The following PTPRE variants were observed in gnomAD, a reference collection of about 807,000 sequenced individuals.
The protein encoded by PTPRE is receptor-type tyrosine-protein phosphatase epsilon.
In PTPRE, 51 loss-of-function variants were observed where a neutral mutation model predicts 102.0. The ratio of observed to expected loss-of-function variants is 0.50; its 90% CI spans 0.40 to 0.63. PTPRE has a LOEUF of 0.63. Among genes scored for constraint, PTPRE ranks in the 30% least tolerant of loss-of-function variants. The probability of loss-of-function intolerance (pLI) is 0.00; values close to 1 mark genes in which losing one functional copy is unlikely to be tolerated. For synonymous variants in PTPRE, 345 were observed against 348.2 expected (o/e 0.99, Z 0.10); for missense variants, 752 against 915.1 (o/e 0.82, Z 2.30).
chr10:128,015,609 A>C (rs975381007), intron 2 of PTPRE, among the ~76,000 whole-genome samples: 1 of 151,828 alleles, frequency 6.6e-6, no homozygotes, highest in Non-Finnish European at 1.5e-5. Context: ...TTCGTGATCC[A>C]CCCGCCTCAG....
chr10:127,977,137 A>G (rs940906694), intron 1 of PTPRE, among the ~76,000 whole-genome samples: 4 of 152,170 alleles, frequency 2.6e-5, no homozygotes, highest in Admixed American at 2.0e-4. Context: ...TTGCTACCCC[A>G]GTGCCCTAAT....
intron 1 of PTPRE, among the ~76,000 whole-genome samples, chr10:127,940,582 T>C (rs1848176840): frequency 6.6e-6 from 1 of 152,190 alleles, no homozygotes; most frequent in African/African-American, 2.4e-5. Context: ...GCTGCACCTC[T>C]GCTGCTGGGC....
At chr10:128,077,841 T>A in intron 19 of PTPRE, 58 bp downstream of exon 19, 1 of 1,528,036 alleles carries the variant, frequency 6.5e-7, no homozygotes, top group Non-Finnish European at 8.9e-7. Flanking sequence ...ACCCCCCCAG[T>A]ACCCGCAGCT....
At chr10:128,036,204 G>C (rs12571952) in intron 2 of PTPRE, among the ~76,000 whole-genome samples, 7 of 151,176 alleles carry the variant, frequency 4.6e-5, no homozygotes, top group African/African-American at 7.3e-5. Context: ...TCCCTTCCTC[G>C]GGCCCTAGTG....
At chr10:128,026,878 A>G (rs1262550706) in intron 2 of PTPRE, among the ~76,000 whole-genome samples, 2 of 152,244 alleles carry the variant, frequency 1.3e-5, no homozygotes, top group African/African-American at 2.4e-5. Flanking sequence ...TCTTTCATCC[A>G]TGTAAGTATA....
intron 20 of PTPRE, 64 bp downstream of exon 20, chr10:128,079,759 A>T: frequency 6.5e-7 from 1 of 1,549,476 alleles, no homozygotes; most frequent in South Asian, 1.2e-5. Flanking sequence ...TATTTGATGT[A>T]TGTTTCATTA....
intron 1 of PTPRE, among the ~76,000 whole-genome samples, chr10:127,914,357 C>A (rs1846063663): frequency 6.6e-6 from 1 of 152,204 alleles, no homozygotes; most frequent in African/African-American, 2.4e-5. Context: ...ACACACACAG[C>A]ACAGGTGGAA....
At position 128,011,560 on chromosome 10, in the gene PTPRE, A is replaced by C. The variant is rs569462848; in HGVS notation, c.-8+29264A>C. 9.6e-4 allele frequency among the ~76,000 whole-genome samples: 147 copies of C among 152,352 alleles called. 1 individual carries two copies. The highest frequency in any genetic ancestry group is 3.2e-3 in the African/African-American group (135 of 41,590). On this transcript the variant is annotated intron_variant, in intron 2 of 20. Transcript: ENST00000254667. ...AGCACCCGGGCTTCAAGCTTGGCGC[A>C]TGCGCGGAAGCGTCCCCGTAGCCCG...
At chr10:127,956,305 T>C (rs1400419987) in intron 1 of PTPRE, among the ~76,000 whole-genome samples, 1 of 152,142 alleles carries the variant, frequency 6.6e-6, no homozygotes, top group Admixed American at 6.5e-5. Flanking sequence ...TGAGTCCAAG[T>C]GGACTAGATG....
intron 11 of PTPRE, among the ~76,000 whole-genome samples, chr10:128,067,027 C>T (rs940153701): frequency 7.3e-5 from 11 of 151,280 alleles, no homozygotes; most frequent in Non-Finnish European, 1.0e-4. Flanking sequence ...CACAGGCACG[C>T]ACATGCACAT....
chr10:127,951,408 A>G (rs1310864966), intron 1 of PTPRE, among the ~76,000 whole-genome samples: 1 of 152,240 alleles, frequency 6.6e-6, no homozygotes, highest in African/African-American at 2.4e-5. Context: ...AGAGGGAAAT[A>G]AACAGACAAT....
chr10:128,060,343 T>C (rs906892438), intron 7 of PTPRE, among the ~76,000 whole-genome samples: 4 of 152,118 alleles, frequency 2.6e-5, no homozygotes, highest in Non-Finnish European at 5.9e-5. Context: ...GGAAAACTGC[T>C]TGTGCAACAG....
At chr10:128,077,492 G>A in intron 18 of PTPRE, 125 bp from the exon 19 acceptor site, 4 of 1,228,608 alleles carry the variant, frequency 3.3e-6, no homozygotes, top group Non-Finnish European at 4.4e-6. Flanking sequence ...CCTCGGTGGG[G>A]ATGTTGGCAG....
At chr10:128,033,590 C>A (rs560608552) in intron 2 of PTPRE, among the ~76,000 whole-genome samples, 95 of 152,276 alleles carry the variant, frequency 6.2e-4, no homozygotes, top group African/African-American at 2.2e-3. Context: ...TAAAGCTCGG[C>A]ATTTGTAGTA....
intron 2 of PTPRE, among the ~76,000 whole-genome samples, chr10:128,022,775 GA>G (rs1392822418): frequency 6.6e-6 from 1 of 152,246 alleles, no homozygotes; most frequent in Non-Finnish European, 1.5e-5. Flanking sequence ...AGGGGCCTGG[GA>G]GGGGCGCTGG....
At chr10:127,947,468 G>T (rs11596732) in intron 1 of PTPRE, among the ~76,000 whole-genome samples, 11,372 of 152,254 alleles carry the variant, frequency 0.075, 625 homozygotes, top group Non-Finnish European at 0.11. Context: ...TTGCTCTGAA[G>T]AATTCAGGTT....
chr10:127,987,284 C>G (rs1196314895), intron 2 of PTPRE: 2 of 1,226,770 alleles, frequency 1.6e-6, no homozygotes, highest in Non-Finnish European at 2.1e-6. Context: ...GTGTTCACAG[C>G]AGACCCAGTT....
intron 1 of PTPRE, among the ~76,000 whole-genome samples, chr10:127,981,066 A>G (rs1039227238): frequency 1.3e-5 from 2 of 152,226 alleles, no homozygotes; most frequent in African/African-American, 2.4e-5. Context: ...AAATTCATCC[A>G]CTGAAGAATG....
chr10:128,019,632 C>CCCATCCATCCATCCATCCAT (rs199921016), intron 2 of PTPRE, among the ~76,000 whole-genome samples: 1 of 102,854 alleles, frequency 9.7e-6, no homozygotes, highest in Non-Finnish European at 2.3e-5. Flanking sequence ...CCTATGTCAG[C>CCCATCCATCCATCCATCCAT]CCATTCATTC....
Sources: allele counts gnomAD v4.1 joint callset (sites outside exome capture counted in the v4.1 genomes callset), GRCh38; gene constraint gnomAD v4.1.1; transcripts MANE v1.5; gene names NCBI Gene and HGNC (gene_info 2026-07-23, HGNC 2026-07-21).